Variants in ABCA13 observed in about 807,000 individuals in gnomAD.
The protein encoded by ABCA13 is ATP binding cassette subfamily A member 13.
ABCA13 carries 476 observed loss-of-function variants against 478.7 expected under a neutral mutation model. The ratio of observed to expected loss-of-function variants is 0.99; its 90% CI spans 0.92 to 1.07. ABCA13 has a LOEUF of 1.07. ABCA13 is among the 50% of genes least tolerant of loss of function. The pLI is 0.00. For missense variants in ABCA13, 6,060 were observed against 5,910.6 expected (o/e 1.03, Z -0.83); for synonymous variants, 2,252 against 2,158.9 (o/e 1.04, Z -1.20).
At chr7:48,543,580 C>T (rs1043382579) in intron 55 of ABCA13, among the ~76,000 whole-genome samples, 10 of 151,454 alleles carry the variant, frequency 6.6e-5, no homozygotes, top group African/African-American at 2.4e-4. Flanking sequence ...GCCGAGATCG[C>T]ACCGTTGCAC....
rs1164471744 is a variant in ABCA13, at chr7:48,391,911, T to A, written c.11655-10T>A. On this transcript the variant is annotated splice_polypyrimidine_tract_variant and intron_variant, in intron 37 of 61. Transcript: ENST00000435803. Reference sequence around the variant, plus strand: ...GCGTATTCTCCATGCTGTCTTATTTTCTCTGGCAGATCCATGTTGACGGGG... The same window carrying A: ...GCGTATTCTCCATGCTGTCTTATTTACTCTGGCAGATCCATGTTGACGGGG... 14 of 1,612,924 alleles carry A rather than the reference T, an allele frequency of 8.7e-6. No homozygotes were observed. The highest frequency in any genetic ancestry group is 1.1e-5 in the Non-Finnish European group (13 of 1,179,256).
intron 2 of ABCA13, among the ~76,000 whole-genome samples, chr7:48,197,071 T>C (rs1798026955): frequency 6.6e-6 from 1 of 152,242 alleles, no homozygotes; most frequent in Admixed American, 6.5e-5. Flanking sequence ...TTGAGAAGCT[T>C]TATTTATCTG....
At chr7:48,591,676 T>G (rs1192924064) in intron 57 of ABCA13, among the ~76,000 whole-genome samples, 1 of 151,990 alleles carries the variant, frequency 6.6e-6, no homozygotes, top group East Asian at 1.9e-4. Flanking sequence ...AGTATACAGA[T>G]CTTTCACTTC....
intron 7 of ABCA13, among the ~76,000 whole-genome samples, chr7:48,233,662 A>G (rs1010996713): frequency 2.0e-5 from 3 of 152,222 alleles, no homozygotes; most frequent in Non-Finnish European, 4.4e-5. Flanking sequence ...CCAATAAAAT[A>G]TTGTCGTACC....
At chr7:48,243,969 CG>C (rs1228923999) in intron 10 of ABCA13, among the ~76,000 whole-genome samples, 1 of 152,246 alleles carries the variant, frequency 6.6e-6, no homozygotes, top group Non-Finnish European at 1.5e-5. Context: ...CTCCCTCTCC[CG>C]TATTTATTCC....
chr7:48,389,085 C>T lies in ABCA13; in HGVS notation c.11519C>T (p.Pro3840Leu), dbSNP rs187262435. Residue 3840 changes from proline to leucine, a missense_variant, in exon 37 of 62, where the codon CCG (proline) becomes CTG (leucine). Pro to Leu is a moderately conservative substitution (Grantham distance 98). Around this residue, in one of 3 missense-constraint regions of ABCA13, gnomAD observed 1,627 missense variants for 1,571.0 expected, o/e 1.04. Transcript: ENST00000435803. ...NREGELEGSA[P>L]GVTLVSVTKE... Reference sequence around the variant, plus strand: ...GAAGGAGAGCTTGAAGGAAGTGCCCCGGGAGTCACCCTGGTGTCTGTGACC... The same window carrying T: ...GAAGGAGAGCTTGAAGGAAGTGCCCTGGGAGTCACCCTGGTGTCTGTGACC... The T allele has an allele frequency of 1.1e-4, 176 of 1,613,878 alleles. No homozygotes were observed. In the African/African-American group the frequency reaches 2.0e-3, roughly 18 times the overall value.
chr7:48,329,909 C>A (rs1049607084), intron 27 of ABCA13, among the ~76,000 whole-genome samples: 6 of 151,926 alleles, frequency 3.9e-5, no homozygotes, highest in Non-Finnish European at 8.8e-5. Flanking sequence ...ACCTATCCAC[C>A]CATTCATTCA....
intron 40 of ABCA13, among the ~76,000 whole-genome samples, 166 bp from the exon 41 acceptor site, chr7:48,412,187 A>C (rs1474364354): frequency 6.6e-6 from 1 of 152,180 alleles, no homozygotes; most frequent in African/African-American, 2.4e-5. Context: ...AGAAAGAAAA[A>C]AATACGAGAT....
At chr7:48,301,955 G>A (rs1327074330) in intron 23 of ABCA13, among the ~76,000 whole-genome samples, 1 of 152,186 alleles carries the variant, frequency 6.6e-6, no homozygotes, top group Non-Finnish European at 1.5e-5. Flanking sequence ...GTTTATGAAA[G>A]CCACGTTACC....
intron 51 of ABCA13, 125 bp from the exon 52 acceptor site, chr7:48,516,600 T>C (rs1419194147): frequency 1.1e-6 from 1 of 919,150 alleles, no homozygotes; most frequent in Non-Finnish European, 1.7e-6. Context: ...ACATAGTATA[T>C]GTAGGATTCA....
Position 48,508,054 on chromosome 7 carries a change from G to A in ABCA13, c.13524+5G>A, listed in dbSNP as rs756553367. 3 of 1,613,692 alleles carry A rather than the reference G, an allele frequency of 1.9e-6. No homozygotes were observed. The highest frequency in any genetic ancestry group is 2.5e-6 in the Non-Finnish European group (3 of 1,179,794). On this transcript the variant is annotated splice_donor_5th_base_variant and intron_variant, in intron 50 of 61. Transcript: ENST00000435803. Reference sequence around the variant, plus strand: ...ACAAACTTCCTATATGACATGGTAGGATTTGGGAATGAGATTCTGTGTGCC... The same window carrying A: ...ACAAACTTCCTATATGACATGGTAGAATTTGGGAATGAGATTCTGTGTGCC...
intron 26 of ABCA13, 38 bp downstream of exon 26, chr7:48,314,447 C>T (rs780469209): frequency 2.7e-5 from 40 of 1,473,898 alleles, no homozygotes; most frequent in East Asian, 9.9e-5. Context: ...TGTTTAGATT[C>T]GTTTGTATCT....
At chr7:48,605,808 T>C (rs1311236043) in intron 58 of ABCA13, among the ~76,000 whole-genome samples, 1 of 152,332 alleles carries the variant, frequency 6.6e-6, no homozygotes, top group East Asian at 1.9e-4. Flanking sequence ...GAAGAGTGTT[T>C]TCCAACTTGG....
chr7:48,232,829 A>G (rs1789358773), intron 7 of ABCA13, among the ~76,000 whole-genome samples: 1 of 152,208 alleles, frequency 6.6e-6, no homozygotes, highest in African/African-American at 2.4e-5. Flanking sequence ...TAATAGTTAC[A>G]GCTCAGCTTT....
intron 15 of ABCA13, among the ~76,000 whole-genome samples, chr7:48,256,651 C>T (rs989273707): frequency 7.2e-5 from 11 of 151,958 alleles, no homozygotes; most frequent in Admixed American, 2.0e-4. Context: ...TATTCTGTTC[C>T]GTTGGTATAT....
intron 48 of ABCA13, among the ~76,000 whole-genome samples, chr7:48,491,106 C>T (rs1312942296): frequency 6.6e-6 from 1 of 151,996 alleles, no homozygotes; most frequent in Admixed American, 6.6e-5. Flanking sequence ...TAAGAAATGG[C>T]AGGGAGAAGA....
At chr7:48,321,088 G>C (rs73697134) in intron 27 of ABCA13, among the ~76,000 whole-genome samples, 9,406 of 152,250 alleles carry the variant, frequency 0.062, 796 homozygotes, top group African/African-American at 0.19. Context: ...GGAGGCCAGT[G>C]GTTCAAACCG....
In ABCA13 at chr7:48,511,164, C is replaced by G. The variant is rs762689847; in HGVS notation, c.13605C>G (p.Asn4535Lys). ...TAACAGCTTTTACTTTCCGCAAGAACTTGGCAGCCACGGCCCTCCTGCTGT... is the reference window on the plus strand; with the variant it reads ...TAACAGCTTTTACTTTCCGCAAGAAGTTGGCAGCCACGGCCCTCCTGCTGT... ...FQLTAFTFRK[N>K]LAATALLLSL... is the part of the protein sequence containing the mutation. Residue 4535 changes from asparagine (N) to lysine (K), a missense_variant, in exon 51 of 62, where the codon AAC (asparagine) becomes AAG (lysine). By Grantham distance (94) the Asn-to-Lys change is moderately conservative (BLOSUM62 0). Coordinates refer to ENST00000435803, the MANE Select transcript of ABCA13 (RefSeq NM_152701.5). 1 of 1,613,514 alleles carries G rather than the reference C, an allele frequency of 6.2e-7. No homozygotes were observed. The highest frequency in any genetic ancestry group is 1.7e-5 in the Admixed American group (1 of 59,982).
intron 51 of ABCA13, among the ~76,000 whole-genome samples, chr7:48,516,416 G>A (rs906882158): frequency 3.9e-5 from 6 of 152,048 alleles, no homozygotes; most frequent in Non-Finnish European, 8.8e-5. Flanking sequence ...GTCGCAGCAT[G>A]GCAGTGCTTG....
Sources: allele counts gnomAD v4.1 joint callset (sites outside exome capture counted in the v4.1 genomes callset), GRCh38; gene constraint gnomAD v4.1.1; regional missense constraint gnomAD v4.1.1; transcripts MANE v1.5; gene names NCBI Gene and HGNC (gene_info 2026-07-23, HGNC 2026-07-21).